The following GPC6 variants were observed in gnomAD, a reference collection of about 807,000 sequenced individuals.
GPC6 encodes glypican 6, also known as glypican-6.
In GPC6, 14 loss-of-function variants were observed where a neutral mutation model predicts 55.2. That is an observed-to-expected ratio of 0.25 (90% confidence interval 0.17 to 0.40). The LOEUF is 0.40. Among genes scored for constraint, GPC6 ranks in the 10% least tolerant of loss-of-function variants. GPC6 has a pLI of 1.00. For missense variants in GPC6, 641 were observed against 708.5 expected, an observed-to-expected ratio of 0.90 and a Z score of 1.08; for synonymous variants, 278 against 259.6, an observed-to-expected ratio of 1.07 and a Z score of -0.68.
At chr13:94,391,132 A>G (rs1880627256) in intron 7 of GPC6, among the ~76,000 whole-genome samples, 1 of 152,170 alleles carries the variant, frequency 6.6e-6, no homozygotes, top group Non-Finnish European at 1.5e-5. Context: ...TGTTCTCCAA[A>G]AGCATCCCCA....
chr13:93,627,059 T>C (rs1028336194), intron 2 of GPC6, among the ~76,000 whole-genome samples: 3 of 151,910 alleles, frequency 2.0e-5, no homozygotes, highest in Non-Finnish European at 2.9e-5. Flanking sequence ...GAACATGCAG[T>C]TTTGTTACAT....
intron 2 of GPC6, among the ~76,000 whole-genome samples, chr13:93,626,767 A>T (rs909074363): frequency 3.1e-4 from 47 of 149,586 alleles, no homozygotes; most frequent in African/African-American, 1.1e-3. Flanking sequence ...ACACCATTGC[A>T]CTCCAGCCTG....
chr13:93,743,921 C>T (rs1445192928), intron 2 of GPC6, among the ~76,000 whole-genome samples: 1 of 152,050 alleles, frequency 6.6e-6, no homozygotes, highest in Non-Finnish European at 1.5e-5. Flanking sequence ...TCTGCTGATA[C>T]TGAATGGCAT....
intron 1 of GPC6, among the ~76,000 whole-genome samples, chr13:93,372,804 T>C (rs1177429953): frequency 2.0e-5 from 3 of 152,214 alleles, no homozygotes; most frequent in African/African-American, 7.2e-5. Context: ...AGATTTAAAC[T>C]GAGTCTATTA....
chr13:93,310,200 A>G (rs1594088084), intron 1 of GPC6, among the ~76,000 whole-genome samples: 1 of 152,196 alleles, frequency 6.6e-6, no homozygotes, highest in East Asian at 1.9e-4. Flanking sequence ...AATAGAAACT[A>G]CAACCTCCCT....
intron 4 of GPC6, among the ~76,000 whole-genome samples, chr13:94,102,399 G>A (rs1336728920): frequency 6.6e-6 from 1 of 151,910 alleles, no homozygotes; most frequent in African/African-American, 2.4e-5. Context: ...GGCTCTCCAG[G>A]GGCCTACTTT....
intron 1 of GPC6, among the ~76,000 whole-genome samples, chr13:93,323,325 T>C (rs1031042864): frequency 3.3e-5 from 5 of 152,182 alleles, no homozygotes; most frequent in Admixed American, 3.3e-4. Context: ...GAAAAGAATG[T>C]GGGGGATGTA....
At chr13:93,676,117 A>T (rs1373062525) in intron 2 of GPC6, among the ~76,000 whole-genome samples, 1 of 16,892 alleles carries the variant, frequency 5.9e-5, no homozygotes, top group African/African-American at 1.4e-4. Context: ...AAAAAAAAAA[A>T]AAAAAAAAAA....
intron 2 of GPC6, among the ~76,000 whole-genome samples, chr13:93,618,332 A>G (rs1316555754): frequency 6.6e-6 from 1 of 152,116 alleles, no homozygotes; most frequent in Non-Finnish European, 1.5e-5. Flanking sequence ...AGGTTAGTAA[A>G]TTGATCATTA....
intron 4 of GPC6, among the ~76,000 whole-genome samples, chr13:94,075,711 C>A (rs1884888820): frequency 1.3e-5 from 2 of 152,108 alleles, no homozygotes; most frequent in Admixed American, 1.3e-4. Context: ...ATGATGCAAT[C>A]AGTATTTGTC....
At chr13:93,275,098 C>T (rs1004279787) in intron 1 of GPC6, among the ~76,000 whole-genome samples, 1 of 152,196 alleles carries the variant, frequency 6.6e-6, no homozygotes, top group Non-Finnish European at 1.5e-5. Flanking sequence ...TGCTTCCAAA[C>T]TGGGAAAGCC....
At chr13:93,468,085 C>G (rs1566372883) in intron 1 of GPC6, among the ~76,000 whole-genome samples, 1 of 152,054 alleles carries the variant, frequency 6.6e-6, no homozygotes, top group African/African-American at 2.4e-5. Flanking sequence ...GGCCATTGTC[C>G]TGTAATGAAT....
chr13:93,720,236 A>T lies in GPC6; in HGVS notation c.320-109918A>T, dbSNP rs965881560. 2.0e-5 allele frequency among the ~76,000 whole-genome samples: 3 copies of T among 151,990 alleles called. No homozygotes were observed. In the Middle Eastern group the frequency reaches 0.01, roughly 517 times the overall value. On this transcript the variant is annotated intron_variant, in intron 2 of 8. Coordinates refer to ENST00000377047, the MANE Select transcript of GPC6 (RefSeq NM_005708.5). ...CTGGTTGGTAGGCTATTACTGCCTCAATTTCAGAACTTGTTATTGGTCTAT... is the reference window on the plus strand; with the variant it reads ...CTGGTTGGTAGGCTATTACTGCCTCTATTTCAGAACTTGTTATTGGTCTAT...
intron 6 of GPC6, among the ~76,000 whole-genome samples, chr13:94,368,373 A>G (rs2139189299): frequency 6.6e-6 from 1 of 152,282 alleles, no homozygotes; most frequent in South Asian, 2.1e-4. Context: ...GAACCCTGCT[A>G]TCATCCCCAA....
At chr13:93,832,977 G>A (rs893519941) in intron 3 of GPC6, among the ~76,000 whole-genome samples, 4 of 151,990 alleles carry the variant, frequency 2.6e-5, no homozygotes, top group Non-Finnish European at 5.9e-5. Flanking sequence ...TTTGACCTGA[G>A]TTTCATCATC....
At chr13:93,420,189 T>C (rs953198318) in intron 1 of GPC6, among the ~76,000 whole-genome samples, 1 of 152,194 alleles carries the variant, frequency 6.6e-6, no homozygotes, top group Admixed American at 6.6e-5. Context: ...ACCGTCCTGA[T>C]AAATTGATAG....
chr13:93,743,237 G>A (rs887768664), intron 2 of GPC6, among the ~76,000 whole-genome samples: 17 of 152,264 alleles, frequency 1.1e-4, no homozygotes, highest in African/African-American at 3.8e-4. Flanking sequence ...ACAGGTGTAG[G>A]TATCACAGAC....
intron 2 of GPC6, among the ~76,000 whole-genome samples, chr13:93,579,284 G>C (rs544420420): frequency 3.2e-4 from 49 of 152,164 alleles, no homozygotes; most frequent in Non-Finnish European, 2.5e-4. Flanking sequence ...AAATATTGAA[G>C]GTGATGGATA....
intron 3 of GPC6, among the ~76,000 whole-genome samples, chr13:93,860,683 G>A (rs1047587777): frequency 5.9e-5 from 9 of 151,640 alleles, no homozygotes; most frequent in Non-Finnish European, 1.0e-4. Flanking sequence ...CAAGGTGGAA[G>A]TGGGATAGGC....
Sources: allele counts gnomAD v4.1 joint callset (sites outside exome capture counted in the v4.1 genomes callset), GRCh38; gene constraint gnomAD v4.1.1; transcripts MANE v1.5; gene names NCBI Gene and HGNC (gene_info 2026-07-23, HGNC 2026-07-21).